Variants in ERC1 observed in about 807,000 individuals in gnomAD.
The protein encoded by ERC1 is RAB6 interacting protein 2.
Under a neutral mutation model 132.0 loss-of-function variants are expected in ERC1, and 56 were observed. The observed-to-expected ratio is 0.42, with a 90% CI of 0.34 to 0.53. The LOEUF is 0.53. ERC1 is among the 20% of genes least tolerant of loss of function. The pLI is 0.03. For missense variants in ERC1, 1,202 were observed against 1,349.9 expected, an observed-to-expected ratio of 0.89 and a Z score of 1.72; for synonymous variants, 478 against 476.1, an observed-to-expected ratio of 1.00 and a Z score of -0.05.
In ERC1 at chr12:1,259,016, G is replaced by A. The variant is rs527690570; in HGVS notation, c.2488-4018G>A. Among the ~76,000 whole-genome samples the A allele has an allele frequency of 6.1e-4, 93 of 152,164 alleles. 1 individual carries two copies. The highest frequency in any genetic ancestry group is 2.1e-3 in the African/African-American group (87 of 41,518). On this transcript the variant is annotated intron_variant, in intron 13 of 18. Transcript: ENST00000360905. ...TGACACTTGTAACTATTTCCAGAAG[G>A]TCTTTAGATCCCTATTGATTTCTTC...
intron 14 of ERC1, among the ~76,000 whole-genome samples, chr12:1,273,062 A>T (rs768658860): frequency 1.3e-5 from 2 of 151,776 alleles, no homozygotes; most frequent in Non-Finnish European, 2.9e-5. Context: ...CAGATGTTCT[A>T]TAGTTTCCAG....
intron 15 of ERC1, among the ~76,000 whole-genome samples, chr12:1,297,518 A>G (rs2080047590): frequency 6.9e-6 from 1 of 144,632 alleles, no homozygotes; most frequent in South Asian, 2.2e-4. Flanking sequence ...CCTAGACAAC[A>G]TGACGAAACC....
chr12:1,118,495 A>T (rs990604488), intron 7 of ERC1, among the ~76,000 whole-genome samples: 3 of 152,196 alleles, frequency 2.0e-5, no homozygotes, highest in Admixed American at 2.0e-4. Flanking sequence ...GGAGTAGCTG[A>T]GTCTCAGTGA....
intron 8 of ERC1, among the ~76,000 whole-genome samples, chr12:1,146,475 T>C (rs1298591244): frequency 6.6e-6 from 1 of 152,014 alleles, no homozygotes; most frequent in Non-Finnish European, 1.5e-5. Flanking sequence ...TAGGAGCTTT[T>C]GGATGAGTCT....
At chr12:1,215,460 G>T (rs1023187497) in intron 12 of ERC1, among the ~76,000 whole-genome samples, 5 of 152,138 alleles carry the variant, frequency 3.3e-5, no homozygotes, top group African/African-American at 1.2e-4. Context: ...TTTGCACTAT[G>T]TCTTTTGGTT....
At chr12:1,273,790 G>C (rs2078051027) in intron 14 of ERC1, among the ~76,000 whole-genome samples, 1 of 152,112 alleles carries the variant, frequency 6.6e-6, no homozygotes, top group Admixed American at 6.6e-5. Flanking sequence ...TAGATACATG[G>C]ATATCTATCT....
At chr12:1,033,624 C>T (rs1008222675) in intron 2 of ERC1, among the ~76,000 whole-genome samples, 2 of 151,758 alleles carry the variant, frequency 1.3e-5, no homozygotes, top group African/African-American at 2.4e-5. Context: ...CCACCATGCC[C>T]GGCTAATTTT....
At position 1,083,288 on chromosome 12, in the gene ERC1, A is replaced by C; in HGVS notation, c.794A>C (p.Glu265Ala). Residue 265 changes from glutamate (E) to alanine (A), a missense_variant, in exon 3 of 19, where the codon GAG becomes GCG. Glu to Ala is a moderately radical substitution (Grantham distance 107). Transcript: ENST00000360905. Reference protein sequence around the residue: ...GEPCVAELTEENFQRLHAEHE... With the variant: ...GEPCVAELTEANFQRLHAEHE... ...CCTTGTGTAGCAGAGCTGACAGAGG[A>C]GAACTTTCAGAGGCTTCATGCTGAG... is the stretch of plus-strand genomic sequence containing the variant. 1 of 1,614,210 alleles carries C rather than the reference A, an allele frequency of 6.2e-7. No individual in the cohort carries two copies. The highest frequency in any genetic ancestry group is 8.5e-7 in the Non-Finnish European group (1 of 1,180,036).
At chr12:1,452,320 G>T (rs543246260) in intron 18 of ERC1, among the ~76,000 whole-genome samples, 1 of 152,164 alleles carries the variant, frequency 6.6e-6, no homozygotes, top group African/African-American at 2.4e-5. Context: ...TGGTTGGTTG[G>T]TTGATATACC....
At chr12:1,306,812 A>G (rs1207592081) in intron 15 of ERC1, among the ~76,000 whole-genome samples, 1 of 151,888 alleles carries the variant, frequency 6.6e-6, no homozygotes, top group African/African-American at 2.4e-5. Flanking sequence ...TGAGTTAATT[A>G]CTCATTTTAT....
chr12:1,093,953 T>TATATATATA (rs1943606503), intron 3 of ERC1, among the ~76,000 whole-genome samples: 2 of 23,796 alleles, frequency 8.4e-5, no homozygotes, highest in East Asian at 3.2e-3. Context: ...ATATATATAT[T>TATATATATA]TTTCTATATA....
chr12:1,039,916 G>A (rs1285482235), intron 2 of ERC1, among the ~76,000 whole-genome samples: 1 of 152,138 alleles, frequency 6.6e-6, no homozygotes. Flanking sequence ...TTCTCATCCA[G>A]CTCGATTTGT....
chr12:1,369,095 G>C (rs1190492438), intron 15 of ERC1, among the ~76,000 whole-genome samples: 1 of 152,098 alleles, frequency 6.6e-6, no homozygotes, highest in East Asian at 1.9e-4. Flanking sequence ...ATCTCTATTT[G>C]AATTGCATAA....
intron 7 of ERC1, among the ~76,000 whole-genome samples, chr12:1,119,739 G>A (rs189878032): frequency 2.4e-3 from 369 of 152,108 alleles, no homozygotes; most frequent in Middle Eastern, 6.8e-3. Context: ...TAGTAGAGAT[G>A]GGGTTTCTCC....
At chr12:1,362,151 A>G (rs1008499740) in intron 15 of ERC1, among the ~76,000 whole-genome samples, 21 of 152,222 alleles carry the variant, frequency 1.4e-4, no homozygotes, top group African/African-American at 4.8e-4. Flanking sequence ...CAGTATCACC[A>G]TAAATGATAT....
At chr12:1,165,133 CAG>C (rs1393737457) in intron 8 of ERC1, among the ~76,000 whole-genome samples, 2 of 152,128 alleles carry the variant, frequency 1.3e-5, no homozygotes, top group Non-Finnish European at 2.9e-5. Flanking sequence ...AGAGGACTAA[CAG>C]AAGGTGAATT....
chr12:1,164,830 T>G (rs903970033), intron 8 of ERC1, among the ~76,000 whole-genome samples: 1 of 152,228 alleles, frequency 6.6e-6, no homozygotes, highest in African/African-American at 2.4e-5. Context: ...AGAGTGAGTT[T>G]TTTTTGTGCG....
intron 13 of ERC1, chr12:1,244,754 T>C: frequency 9.8e-6 from 3 of 306,180 alleles, no homozygotes; most frequent in South Asian, 7.8e-5. Flanking sequence ...CCTAGCATCA[T>C]GTGATCTGCC....
At chr12:1,463,936 GC>G (rs1239746563) in intron 18 of ERC1, among the ~76,000 whole-genome samples, 1 of 152,064 alleles carries the variant, frequency 6.6e-6, no homozygotes, top group African/African-American at 2.4e-5. Flanking sequence ...GGAAGGTTGG[GC>G]AGACATACCA....
Sources: gnomAD v4.1 joint callset for allele counts (sites outside exome capture counted in the v4.1 genomes callset) on GRCh38, gnomAD v4.1.1 for gene constraint, MANE v1.5 for transcripts, NCBI Gene and HGNC (gene_info 2026-07-23, HGNC 2026-07-21) for gene names.